NCOA1: variants seen among roughly 807,000 people sequenced by gnomAD.
NCOA1 encodes nuclear receptor coactivator 1.
Under a neutral mutation model 150.9 loss-of-function variants are expected in NCOA1, and 35 were observed. The observed-to-expected ratio is 0.23, with a 90% CI of 0.18 to 0.31. The LOEUF is 0.31. NCOA1 is among the 10% of genes least tolerant of loss of function. The pLI, the probability that NCOA1 is intolerant of heterozygous loss-of-function variation, is 1.00. For synonymous variants in NCOA1, 590 were observed against 630.0 expected (o/e 0.94, Z 0.95); for missense variants, 1,491 against 1,749.3 (o/e 0.85, Z 2.63).
intron 1 of NCOA1, among the ~76,000 whole-genome samples, chr2:24,557,929 G>C (rs1666138031): frequency 6.6e-6 from 1 of 151,064 alleles, no homozygotes; most frequent in African/African-American, 2.4e-5. Context: ...ATGTATGTTT[G>C]GTGTGTGTGC....
At chr2:24,683,203 A>G (rs959551736) in intron 8 of NCOA1, 75 bp downstream of exon 8, 2 of 829,870 alleles carry the variant, frequency 2.4e-6, no homozygotes, top group Non-Finnish European at 3.4e-6. Context: ...ATAATATGTG[A>G]TTATTATATT....
In NCOA1 at chr2:24,707,747, T is replaced by C; in HGVS notation, c.2277T>C (p.Asp759=). The C allele has an allele frequency of 6.2e-7, 1 of 1,614,140 alleles. No individual in the cohort carries two copies. The highest frequency in any genetic ancestry group is 8.5e-7 in the Non-Finnish European group (1 of 1,180,004). Residue 759 remains aspartate, a synonymous_variant, in exon 13 of 23, where the codon GAT becomes GAC. Coordinates refer to ENST00000348332, the MANE Select transcript of NCOA1 (RefSeq NM_003743.5). ...ATCTTTTAGATAAAGATGAGAAAGA[T>C]TTAAGATCAACTCCAAACCTGAGCC... is the stretch of plus-strand genomic sequence containing the variant. The part of the protein sequence containing the change: ...LRYLLDKDEK[D]LRSTPNLSLD...
At chr2:24,758,184 C>G in intron 21 of NCOA1, 28 bp downstream of exon 21, 1 of 1,580,538 alleles carries the variant, frequency 6.3e-7, no homozygotes, top group Non-Finnish European at 8.6e-7. Context: ...CACACACATG[C>G]CACACCACAT....
rs896650419 is a variant in NCOA1 at position 24,576,404 on chromosome 2, C to T, written c.-259-8072C>T. Among the ~76,000 whole-genome samples the T allele has an allele frequency of 1.7e-4, 26 of 152,160 alleles. 2 individuals are homozygous for T. Among genetic ancestry groups the T allele is most frequent in the Admixed American group, 1.6e-3 (24 of 15,294 alleles). ...CTCAACTCTTTGAGACTGTAAGGTT[C>T]TGTTTAAGCCCCATCTCCCTTCTTT... On this transcript the variant is annotated intron_variant, in intron 2 of 22. Transcript: ENST00000348332.
intron 3 of NCOA1, among the ~76,000 whole-genome samples, chr2:24,601,564 T>A (rs1182170543): frequency 6.6e-6 from 1 of 151,850 alleles, no homozygotes; most frequent in Non-Finnish European, 1.5e-5. Context: ...TTTTATTGAT[T>A]GGGATTACTC....
chr2:24,684,779 ATC>A (rs1672328692), intron 8 of NCOA1, among the ~76,000 whole-genome samples: 1 of 152,204 alleles, frequency 6.6e-6, no homozygotes, highest in South Asian at 2.1e-4. Context: ...AGATCACCTA[ATC>A]TTACAGTGTT....
At chr2:24,628,729 A>G (rs1343358812) in intron 3 of NCOA1, among the ~76,000 whole-genome samples, 1 of 152,236 alleles carries the variant, frequency 6.6e-6, no homozygotes, top group African/African-American at 2.4e-5. Flanking sequence ...TAGGAATTGG[A>G]TAGATGAAGA....
intron 7 of NCOA1, among the ~76,000 whole-genome samples, chr2:24,681,063 TAA>T (rs70947836): frequency 6.9e-6 from 1 of 144,680 alleles, no homozygotes. Context: ...CATTTTCACA[TAA>T]AAAAAAAAAA....
chr2:24,516,932 GTA>G (rs1199693089), intron 1 of NCOA1, among the ~76,000 whole-genome samples: 3 of 59,188 alleles, frequency 5.1e-5, no homozygotes, highest in African/African-American at 4.5e-5. Context: ...GCGCGCGTGT[GTA>G]TATATATACG....
At chr2:24,526,746 A>G (rs1344895828) in intron 1 of NCOA1, among the ~76,000 whole-genome samples, 1 of 152,078 alleles carries the variant, frequency 6.6e-6, no homozygotes. Flanking sequence ...TCTGTTGTAT[A>G]TATTTAAGGT....
intron 17 of NCOA1, among the ~76,000 whole-genome samples, chr2:24,733,167 A>G (rs1468059542): frequency 6.6e-6 from 1 of 152,196 alleles, no homozygotes; most frequent in Non-Finnish European, 1.5e-5. Flanking sequence ...AAATCAAGAA[A>G]TTGAGGTTTA....
At chr2:24,506,526 A>C (rs924234647) in intron 1 of NCOA1, among the ~76,000 whole-genome samples, 1 of 152,106 alleles carries the variant, frequency 6.6e-6, no homozygotes, top group Admixed American at 6.5e-5. Context: ...ATTCAGAATC[A>C]TTTTCAGAGG....
chr2:24,726,243 T>C (rs986158728), intron 14 of NCOA1, among the ~76,000 whole-genome samples: 1 of 152,176 alleles, frequency 6.6e-6, no homozygotes, highest in African/African-American at 2.4e-5. Context: ...GTGTTACTTA[T>C]AGCATATTCT....
At chr2:24,668,542 T>C (rs945806415) in intron 6 of NCOA1, among the ~76,000 whole-genome samples, 3 of 152,140 alleles carry the variant, frequency 2.0e-5, no homozygotes, top group Admixed American at 2.0e-4. Context: ...GTTGAAGTTA[T>C]GAGTGCCAAA....
intron 1 of NCOA1, among the ~76,000 whole-genome samples, chr2:24,516,955 A>ATATATACAC (rs1558758490): frequency 1.4e-5 from 1 of 70,078 alleles, no homozygotes; most frequent in Non-Finnish European, 2.9e-5. Flanking sequence ...TATATATACA[A>ATATATACAC]GTATATATAC....
In NCOA1 at chr2:24,707,848, A is replaced by G; in HGVS notation, c.2378A>G (p.Lys793Arg). 1 of 1,609,190 alleles carries G rather than the reference A, an allele frequency of 6.2e-7. No individual in the cohort carries two copies. The highest frequency in any genetic ancestry group is 8.5e-7 in the Non-Finnish European group (1 of 1,178,684). ...AATACAAACCCAACCCCAATGACCA[A>G]ACCCACTCCTGAGGAAATAAAACTG... The part of the protein sequence containing the change: ...PCNTNPTPMT[K>R]PTPEEIKLEA... Residue 793 changes from lysine (K) to arginine (R), a missense_variant, in exon 13 of 23, where the codon AAA becomes AGA. Physicochemically the swap from Lys to Arg is conservative, Grantham distance 26 (BLOSUM62 2). Coordinates refer to ENST00000348332, the MANE Select transcript of NCOA1 (RefSeq NM_003743.5).
intron 3 of NCOA1, among the ~76,000 whole-genome samples, chr2:24,589,630 GGT>G (rs148118845): frequency 0.082 from 12,101 of 147,478 alleles, 607 homozygotes; most frequent in East Asian, 0.27. Context: ...AGAGGTTGGT[GGT>G]GTGTGTGTGT....
chr2:24,705,259 A>G, intron 12 of NCOA1, 26 bp downstream of exon 12: 1 of 1,609,320 alleles, frequency 6.2e-7, no homozygotes, highest in Non-Finnish European at 8.5e-7. Flanking sequence ...AGAGCTTCAT[A>G]TGAAATAAGC....
chr2:24,626,394 G>A (rs1283887245), intron 3 of NCOA1, among the ~76,000 whole-genome samples: 1 of 152,172 alleles, frequency 6.6e-6, no homozygotes, highest in African/African-American at 2.4e-5. Flanking sequence ...ACAGTATGGA[G>A]TATAATGATG....
Sources: allele counts gnomAD v4.1 joint callset (sites outside exome capture counted in the v4.1 genomes callset), GRCh38; gene constraint gnomAD v4.1.1; transcripts MANE v1.5; gene names NCBI Gene and HGNC (gene_info 2026-07-23, HGNC 2026-07-21).